Variants in CFHR4 observed in about 807,000 individuals in gnomAD.
CFHR4 encodes the protein complement factor H-related protein 4.
A neutral mutation model predicts 69.3 loss-of-function variants in CFHR4; 64 were observed. The ratio of observed to expected loss-of-function variants is 0.92; its 90% CI spans 0.76 to 1.14. The LOEUF is 1.14. Ranked by LOEUF, CFHR4 falls within the 50% of genes most tolerant of loss-of-function variation. The pLI is 0.00. For missense variants in CFHR4, 636 were observed against 684.9 expected, an observed-to-expected ratio of 0.93 and a Z score of 0.80; for synonymous variants, 244 against 237.0, an observed-to-expected ratio of 1.03 and a Z score of -0.27.
At chr1:196,907,059 TTC>T (rs765930678) in intron 4 of CFHR4, 22 bp downstream of exon 4, 2 of 1,578,020 alleles carry the variant, frequency 1.3e-6, no homozygotes, top group Non-Finnish European at 1.7e-6. Flanking sequence ...ATTCAAGTAT[TTC>T]TTTTTACTAG....
chr1:196,914,561 A>G lies in CFHR4; in HGVS notation c.1247A>G (p.His416Arg). Residue 416 changes from histidine to arginine, a missense_variant, in exon 8 of 10, where the codon CAT becomes CGT. His to Arg is a conservative substitution (Grantham distance 29). Coordinates refer to ENST00000608469, the MANE Select transcript of CFHR4 (RefSeq NM_001201550.3). ...AKSNGMRFKL[H>R]DTLDYECYDG... ...AGTAATGGCATGCGGTTTAAGCTCC[A>G]TGACACATTGGACTACGAATGCTAC... 1 of 1,611,712 alleles carries G rather than the reference A, an allele frequency of 6.2e-7. No homozygotes were observed. The highest frequency in any genetic ancestry group is 8.5e-7 in the Non-Finnish European group (1 of 1,179,074).
chr1:196,890,388 T>C (rs1487827182), intron 1 of CFHR4, among the ~76,000 whole-genome samples: 2 of 151,588 alleles, frequency 1.3e-5, no homozygotes, highest in Non-Finnish European at 2.9e-5. Flanking sequence ...GAATAATAAT[T>C]CTTTTGGAAG....
In CFHR4 at chr1:196,918,336, C is replaced by T. The variant is rs576733857; in HGVS notation, c.1667C>T (p.Ala556Val). The T allele has an allele frequency of 6.6e-5, 107 of 1,611,768 alleles. 1 individual carries two copies. The highest frequency in any genetic ancestry group is 1.6e-4 in the East Asian group (7 of 44,694). The change falls in exon 10 of 10, where the codon GCG becomes GTG. Residue 556 changes from alanine to valine, a missense_variant. Ala to Val is a moderately conservative substitution (Grantham distance 64). This residue lies in a region of CFHR4 where 85 missense variants were observed against 79.0 expected (regional missense o/e 1.08). Transcript: ENST00000608469. The stretch of plus-strand genomic sequence containing the variant: ...TTTATGTGTAAATTGGGATATAATG[C>T]GAATACATCAGTTCTATCATTTCAA... ...IEFMCKLGYNANTSVLSFQAV... is the reference protein window; with the variant it reads ...IEFMCKLGYNVNTSVLSFQAV...
intron 6 of CFHR4, 85 bp downstream of exon 6, chr1:196,910,563 A>C (rs112266010): frequency 2.6e-6 from 3 of 1,150,992 alleles, no homozygotes. Context: ...ACATTGTCTT[A>C]TATGACAGAG....
At chr1:196,915,560 G>A (rs528327034) in intron 9 of CFHR4, among the ~76,000 whole-genome samples, 3 of 151,472 alleles carry the variant, frequency 2.0e-5, no homozygotes, top group South Asian at 4.2e-4. Context: ...ATCTGAACCC[G>A]GGAGGCAGAG....
rs914658251 is a variant in CFHR4, at chr1:196,899,185, T to C, written c.59-3233T>C. The stretch of plus-strand genomic sequence containing the variant: ...TTATTTCTATGATGGTTCCTTTGCC[T>C]TTTTCAAGATTTTTTCTGTCTCTAC... On this transcript the variant is annotated intron_variant, in intron 1 of 9. Coordinates refer to ENST00000608469, the MANE Select transcript of CFHR4 (RefSeq NM_001201550.3). 5.3e-5 allele frequency among the ~76,000 whole-genome samples: 8 copies of C among 151,536 alleles called. 1 individual carries two copies. The highest frequency in any genetic ancestry group is 2.0e-4 in the African/African-American group (8 of 41,020).
chr1:196,918,112 A>G, intron 9 of CFHR4, 98 bp from the exon 10 acceptor site: 1 of 1,239,590 alleles, frequency 8.1e-7, no homozygotes. Flanking sequence ...GGATTATTTT[A>G]TAATTTTATT....
chr1:196,910,082 ACGGAGGTCACAGTGAG>A (rs1192262088), intron 5 of CFHR4, among the ~76,000 whole-genome samples, 183 bp from the exon 6 acceptor site: 1 of 149,302 alleles, frequency 6.7e-6, no homozygotes, highest in Non-Finnish European at 1.5e-5. Flanking sequence ...AACCTGGGAG[ACGGAGGTCACAGTGAG>A]CAGTGATCGC....
At chr1:196,899,440 T>A (rs1571422922) in intron 1 of CFHR4, among the ~76,000 whole-genome samples, 1 of 151,662 alleles carries the variant, frequency 6.6e-6, no homozygotes, top group East Asian at 1.9e-4. Context: ...AATATAGGCA[T>A]GTGCCACCAT....
intron 1 of CFHR4, among the ~76,000 whole-genome samples, chr1:196,895,181 T>A (rs1657230030): frequency 6.6e-6 from 1 of 151,484 alleles, no homozygotes; most frequent in South Asian, 2.1e-4. Context: ...TGCAGTGAGC[T>A]ATGATCACAC....
At chr1:196,914,373 A>G in intron 7 of CFHR4, 122 bp from the exon 8 acceptor site, 1 of 931,164 alleles carries the variant, frequency 1.1e-6, no homozygotes, top group Non-Finnish European at 1.5e-6. Context: ...GACTATTTTT[A>G]ATAGTACTCA....
intron 5 of CFHR4, 131 bp from the exon 6 acceptor site, chr1:196,910,150 T>TAAAAAAA: frequency 2.4e-6 from 1 of 422,750 alleles, no homozygotes; most frequent in East Asian, 4.0e-5. Flanking sequence ...AAATTTCATC[T>TAAAAAAA]AAAAAAAAAA....
At chr1:196,910,562 T>C (rs1658205440) in intron 6 of CFHR4, 84 bp downstream of exon 6, 2 of 1,154,822 alleles carry the variant, frequency 1.7e-6, no homozygotes, top group Admixed American at 1.9e-5. Flanking sequence ...TACATTGTCT[T>C]ATATGACAGA....
At chr1:196,910,139 G>A (rs192069928) in intron 5 of CFHR4, 142 bp from the exon 6 acceptor site, 16 of 542,828 alleles carry the variant, frequency 2.9e-5, no homozygotes, top group East Asian at 2.8e-4. Context: ...GAGACAGAGC[G>A]AAATTTCATC....
At position 196,894,886 on chromosome 1, in the gene CFHR4, TAAAAAC is replaced by T. The variant is rs776637977; in HGVS notation, c.58+6681_58+6686del. ...GGCAAGCATGGCAAAACCCTGTCTC[TAAAAAC>T]AACAACAACAACAACAAATTATTCA... is the stretch of plus-strand genomic sequence containing the variant. On this transcript the variant is annotated intron_variant, in intron 1 of 9. Transcript: ENST00000608469. Among the ~76,000 whole-genome samples, 2 of 13,038 alleles carry T rather than the reference TAAAAAC, an allele frequency of 1.5e-4. 1 individual carries two copies. The highest frequency in any genetic ancestry group is 3.1e-4 in the Non-Finnish European group (2 of 6,402). 8.6% of individuals were successfully genotyped at this position (13,038 alleles called of 152,430 possible).
intron 5 of CFHR4, among the ~76,000 whole-genome samples, chr1:196,909,624 T>C (rs1291595438): frequency 1.3e-5 from 2 of 151,240 alleles, no homozygotes; most frequent in Non-Finnish European, 1.5e-5. Context: ...ATACTAATGT[T>C]AATAAGGGCT....
intron 8 of CFHR4, 38 bp downstream of exon 8, chr1:196,914,709 A>G (rs1165516434): frequency 2.6e-6 from 4 of 1,532,048 alleles, no homozygotes; most frequent in Non-Finnish European, 3.5e-6. Flanking sequence ...TTAGAATTAA[A>G]TAAAATAATA....
At chr1:196,914,355 G>A (rs1658453380) in intron 7 of CFHR4, 140 bp from the exon 8 acceptor site, 1 of 748,588 alleles carries the variant, frequency 1.3e-6, no homozygotes, top group South Asian at 3.2e-5. Flanking sequence ...AAAAAGCACT[G>A]ATTGTCAGAC....
At chr1:196,910,017 T>A (rs1658154914) in intron 5 of CFHR4, among the ~76,000 whole-genome samples, 1 of 150,314 alleles carries the variant, frequency 6.7e-6, no homozygotes, top group Admixed American at 6.6e-5. Flanking sequence ...ATGGGCGTGG[T>A]GGTGTGTGCC....
Sources: gnomAD v4.1 joint callset for allele counts (sites outside exome capture counted in the v4.1 genomes callset) on GRCh38, gnomAD v4.1.1 for gene constraint, gnomAD v4.1.1 regional missense constraint, MANE v1.5 for transcripts, NCBI Gene and HGNC (gene_info 2026-07-23, HGNC 2026-07-21) for gene names.